DGKI: variants seen among roughly 807,000 people sequenced by gnomAD.
DGKI encodes the protein DAG kinase iota.
Under a neutral mutation model 147.5 loss-of-function variants are expected in DGKI, and 55 were observed. The ratio of observed to expected loss-of-function variants is 0.37; its 90% CI spans 0.30 to 0.47. The LOEUF (loss-of-function observed/expected upper bound fraction) is 0.47, where lower values mean the gene tolerates loss of function less well. Among genes scored for constraint, DGKI ranks in the 20% least tolerant of loss-of-function variants. The pLI, the probability that DGKI is intolerant of heterozygous loss-of-function variation, is 1.00. For missense variants in DGKI, 1,007 were observed against 1,323.8 expected (o/e 0.76, Z 3.71); for synonymous variants, 469 against 477.1 (o/e 0.98, Z 0.22).
At chr7:137,651,148 T>A (rs1822013434) in intron 5 of DGKI, among the ~76,000 whole-genome samples, 1 of 152,312 alleles carries the variant, frequency 6.6e-6, no homozygotes, top group Non-Finnish European at 1.5e-5. Context: ...TTACTTTCAA[T>A]TACTTTTGCA....
At chr7:137,624,171 G>T (rs1820851534) in intron 6 of DGKI, among the ~76,000 whole-genome samples, 1 of 152,116 alleles carries the variant, frequency 6.6e-6, no homozygotes, top group Non-Finnish European at 1.5e-5. Flanking sequence ...CCTCTTAAAG[G>T]AACAAACTGA....
At chr7:137,662,738 AGTAGT>A (rs1456478016) in intron 3 of DGKI, among the ~76,000 whole-genome samples, 3 of 152,192 alleles carry the variant, frequency 2.0e-5, no homozygotes, top group African/African-American at 7.2e-5. Context: ...CCAGACCCTG[AGTAGT>A]GTTGGCCCAT....
At chr7:137,689,859 T>G (rs1485038338) in intron 2 of DGKI, 35 bp downstream of exon 2, 2 of 1,377,556 alleles carry the variant, frequency 1.5e-6, no homozygotes, top group Admixed American at 4.9e-5. Context: ...AAACATGCAC[T>G]GAAGTGATGT....
intron 17 of DGKI, among the ~76,000 whole-genome samples, chr7:137,574,787 G>A (rs939564034): frequency 2.6e-5 from 4 of 152,088 alleles, no homozygotes; most frequent in African/African-American, 7.2e-5. Flanking sequence ...AAGAAAATAT[G>A]GAAAGTGGAA....
At position 137,724,566 on chromosome 7, in the gene DGKI, A is replaced by G. The variant is rs552233532; in HGVS notation, c.402-34564T>C. Among the ~76,000 whole-genome samples the G allele has an allele frequency of 2.6e-5, 4 of 152,320 alleles. No individual in the cohort carries two copies. In the South Asian group the frequency reaches 6.2e-4, roughly 24 times the overall value. On this transcript the variant is annotated intron_variant, in intron 1 of 32. Coordinates refer to ENST00000614521, the MANE Select transcript of DGKI (RefSeq NM_001321708.2). Reference sequence around the variant, plus strand: ...AGCCACTTGCTAATGGATTACTATTAATGAACTAATGATGAATTGTTGGTA... The same window carrying G: ...AGCCACTTGCTAATGGATTACTATTGATGAACTAATGATGAATTGTTGGTA...
At chr7:137,700,147 G>A (rs940216210) in intron 1 of DGKI, among the ~76,000 whole-genome samples, 3 of 152,222 alleles carry the variant, frequency 2.0e-5, no homozygotes, top group African/African-American at 7.2e-5. Context: ...GTGTTGAGGA[G>A]ACACACTGCC....
Position 137,383,656 on chromosome 7 carries a change from A to T in DGKI, c.*7564T>A, listed in dbSNP as rs1016044741. The stretch of plus-strand genomic sequence containing the variant: ...GATAACAACTTCACTGTTTTTCAGA[A>T]AGCCCAAACTGTTTTTCTGGATGCA... On this transcript the variant is annotated 3_prime_UTR_variant, in exon 33 of 33. Coordinates refer to ENST00000614521, the MANE Select transcript of DGKI (RefSeq NM_001321708.2). 6.6e-6 allele frequency: 1 copy of T among 152,024 alleles called. No individual in the cohort carries two copies. The highest frequency in any genetic ancestry group is 2.4e-5 in the African/African-American group (1 of 41,430). The allele number at this position is 152,024 out of a possible 1,614,324, so 9.4% of individuals were successfully genotyped here.
At chr7:137,425,420 A>G (rs1812758071) in intron 28 of DGKI, among the ~76,000 whole-genome samples, 2 of 152,214 alleles carry the variant, frequency 1.3e-5, no homozygotes, top group Admixed American at 6.5e-5. Flanking sequence ...ATCAAAGACC[A>G]AAAGTACATA....
chr7:137,599,736 T>A (rs1585271580), intron 11 of DGKI, 87 bp downstream of exon 11: 1 of 1,207,336 alleles, frequency 8.3e-7, no homozygotes, highest in Admixed American at 1.7e-5. Flanking sequence ...GGTCAGGATA[T>A]ACCTCACAAG....
Position 137,518,211 on chromosome 7 carries a change from T to C in DGKI, c.2248+3655A>G, listed in dbSNP as rs544573192. On this transcript the variant is annotated intron_variant, in intron 21 of 32. Coordinates refer to ENST00000614521, the MANE Select transcript of DGKI (RefSeq NM_001321708.2). ...CAGACTTCACACCAAGGGTTCCATA[T>C]ACAGCATTACATTTAACCCTCAGCA... Among the ~76,000 whole-genome samples, 4 of 152,236 alleles carry C rather than the reference T, an allele frequency of 2.6e-5. No homozygotes were observed. The South Asian group carries it at 8.3e-4, about 32-fold the overall frequency.
At chr7:137,508,978 G>C (rs762722134) in intron 21 of DGKI, among the ~76,000 whole-genome samples, 6 of 152,070 alleles carry the variant, frequency 3.9e-5, no homozygotes, top group African/African-American at 7.2e-5. Context: ...AAGGATGGTG[G>C]AAATAAGGAA....
chr7:137,417,326 G>A (rs1195051051), intron 28 of DGKI, among the ~76,000 whole-genome samples: 1 of 152,128 alleles, frequency 6.6e-6, no homozygotes, highest in African/African-American at 2.4e-5. Context: ...AAGGGCGTAG[G>A]GAACTGAGAA....
At chr7:137,633,975 A>G (rs932496393) in intron 6 of DGKI, among the ~76,000 whole-genome samples, 2 of 152,246 alleles carry the variant, frequency 1.3e-5, no homozygotes, top group African/African-American at 2.4e-5. Context: ...AAGGTACATC[A>G]GAGGTCCTGG....
rs771609308 is a variant in DGKI at position 137,846,411 on chromosome 7, G to C, written c.401+51C>G. ...AGCGCCCCTTGCTGGGTAGAAGAGT[G>C]GGTCTCCCGCCGCGGCGCACCTGTC... is the stretch of plus-strand genomic sequence containing the variant. On this transcript the variant is annotated intron_variant, in intron 1 of 32. Transcript: ENST00000614521. The surrounding 1 kb of genome is among the most constrained non-coding windows in gnomAD (Gnocchi z 4.0). The C allele has an allele frequency of 7.1e-7, 1 of 1,403,922 alleles. No homozygotes were observed. The highest frequency in any genetic ancestry group is 1.2e-5 in the South Asian group (1 of 85,900). The allele number at this position is 1,403,922 out of a possible 1,614,324, so 87.0% of individuals were successfully genotyped here. A position where few individuals can be genotyped will look rare whatever the true frequency, so the allele number is the denominator to read the frequency against.
Position 137,576,802 on chromosome 7 carries a change from T to A in DGKI, c.1761+420A>T, listed in dbSNP as rs555046359. Among the ~76,000 whole-genome samples the A allele has an allele frequency of 2.5e-3, 380 of 152,332 alleles. 1 individual carries two copies. The highest frequency in any genetic ancestry group is 8.8e-3 in the African/African-American group (368 of 41,584). On this transcript the variant is annotated intron_variant, in intron 17 of 32. Coordinates refer to ENST00000614521, the MANE Select transcript of DGKI (RefSeq NM_001321708.2). ...ATATCCTCCTCAGATTATCCTGGAA[T>A]AAAGATACTTGTTTGGAGAGTACCG...
intron 23 of DGKI, among the ~76,000 whole-genome samples, chr7:137,475,386 G>C (rs1013044125): frequency 6.6e-6 from 1 of 152,144 alleles, no homozygotes; most frequent in African/African-American, 2.4e-5. Context: ...TTAAATACAG[G>C]ATATTGTCTT....
chr7:137,600,776 T>A (rs1356757391), intron 10 of DGKI, among the ~76,000 whole-genome samples: 1 of 152,188 alleles, frequency 6.6e-6, no homozygotes, highest in East Asian at 1.9e-4. Context: ...TATACATATA[T>A]AAAACTTCCT....
chr7:137,819,689 C>A (rs1423073543), intron 1 of DGKI, among the ~76,000 whole-genome samples: 3 of 152,154 alleles, frequency 2.0e-5, no homozygotes, highest in African/African-American at 7.2e-5. Flanking sequence ...TCTGCACAGC[C>A]CAGCACAACT....
chr7:137,687,699 A>G (rs1421626539), intron 2 of DGKI, among the ~76,000 whole-genome samples: 2 of 152,194 alleles, frequency 1.3e-5, no homozygotes, highest in African/African-American at 4.8e-5. Flanking sequence ...TCAGCCCACA[A>G]AGATGTTGGT....
Sources: gnomAD v4.1 joint callset for allele counts (sites outside exome capture counted in the v4.1 genomes callset) on GRCh38, gnomAD v4.1.1 for gene constraint, Gnocchi (gnomAD v3.1) non-coding constraint, MANE v1.5 for transcripts, NCBI Gene and HGNC (gene_info 2026-07-23, HGNC 2026-07-21) for gene names.